Variants in WDFY4 observed in about 807,000 individuals in gnomAD.
WDFY4 encodes the protein WD repeat- and FYVE domain-containing protein 4.
In WDFY4, 169 loss-of-function variants were observed where a neutral mutation model predicts 351.9. The ratio of observed to expected loss-of-function variants is 0.48; its 90% CI spans 0.42 to 0.55. The LOEUF is 0.55. Among genes scored for constraint, WDFY4 ranks in the 20% least tolerant of loss-of-function variants. The probability of loss-of-function intolerance (pLI) is 0.00; values close to 1 mark genes in which losing one functional copy is unlikely to be tolerated. For missense variants in WDFY4, 3,803 were observed against 3,935.6 expected, an observed-to-expected ratio of 0.97 and a Z score of 0.90; for synonymous variants, 1,622 against 1,574.6, an observed-to-expected ratio of 1.03 and a Z score of -0.71.
chr10:48,736,179 G>A (rs1272580687), intron 11 of WDFY4, 109 bp downstream of exon 11: 3 of 1,284,578 alleles, frequency 2.3e-6, no homozygotes, highest in Non-Finnish European at 3.3e-6. Context: ...ACTGTATGTG[G>A]CAGGCAGTAC....
chr10:48,858,447 A>G (rs925910660), intron 39 of WDFY4, among the ~76,000 whole-genome samples: 14 of 152,232 alleles, frequency 9.2e-5, no homozygotes, highest in African/African-American at 3.1e-4. Flanking sequence ...AATTGCTCCA[A>G]CACCATTTGC....
chr10:48,841,577 AAG>A (rs1438637536), intron 39 of WDFY4, among the ~76,000 whole-genome samples: 1 of 152,232 alleles, frequency 6.6e-6, no homozygotes, highest in African/African-American at 2.4e-5. Flanking sequence ...CCATGCAGGA[AAG>A]AGAAACTGCA....
Position 48,725,900 on chromosome 10 carries a change from G to C in WDFY4, c.611G>C (p.Ser204Thr). 1 of 1,545,240 alleles carries C rather than the reference G, an allele frequency of 6.5e-7. No homozygotes were observed. Among genetic ancestry groups the C allele is most frequent in the Non-Finnish European group, 8.8e-7 (1 of 1,141,680 alleles). ...MFVQMLLNIC[S>T]DSQGLEGLLS... Reference sequence around the variant, plus strand: ...TTTCAGATGTTGCTCAATATTTGCAGTGACTCTCAGGGCCTGGAGGGACTC... The same window carrying C: ...TTTCAGATGTTGCTCAATATTTGCACTGACTCTCAGGGCCTGGAGGGACTC... The change falls in exon 6 of 62, where the codon AGT (serine) becomes ACT (threonine). Residue 204 changes from serine to threonine, a missense_variant. Physicochemically the swap from Ser to Thr is moderately conservative, Grantham distance 58. Coordinates refer to ENST00000325239, the MANE Select transcript of WDFY4 (RefSeq NM_001394531.1).
At chr10:48,871,546 G>A (rs2069783245) in intron 40 of WDFY4, among the ~76,000 whole-genome samples, 1 of 148,420 alleles carries the variant, frequency 6.7e-6, no homozygotes, top group Non-Finnish European at 1.5e-5. Context: ...GTAAATCATA[G>A]CCCACAGAAG....
rs375525766 is a variant in WDFY4, at chr10:48,788,575, G to T, written c.3854G>T (p.Arg1285Ile). 1.0e-4 allele frequency: 155 copies of T among 1,551,880 alleles called. No homozygotes were observed. The highest frequency in any genetic ancestry group is 1.1e-4 in the Non-Finnish European group (126 of 1,147,060). ...SEATPFVAEERVSFGLHIASS... is the reference protein window; with the variant it reads ...SEATPFVAEEIVSFGLHIASS... ...GCCACGCCCTTTGTTGCAGAAGAAA[G>T]AGTTTCTTTTGGACTTCACATAGCC... Residue 1285 changes from arginine to isoleucine, a missense_variant, in exon 21 of 62, where the codon AGA becomes ATA. Transcript: ENST00000325239.
intron 47 of WDFY4, among the ~76,000 whole-genome samples, chr10:48,918,771 T>G (rs904305728): frequency 1.3e-5 from 2 of 152,180 alleles, no homozygotes; most frequent in African/African-American, 4.8e-5. Context: ...GTGACAGGGC[T>G]TGGGGGAAGA....
rs1181083973 is a variant in WDFY4 at position 48,959,829 on chromosome 10, A to G, written c.8223+16A>G. 6 of 1,542,190 alleles carry G rather than the reference A, an allele frequency of 3.9e-6. No homozygotes were observed. The South Asian group carries it at 7.2e-5, about 19-fold the overall frequency. On this transcript the variant is annotated intron_variant, in intron 53 of 61. Transcript: ENST00000325239. ...GCACAGAAAGGTGAGTCAGGCCAGG[A>G]CCCCTGGTATCCTGCTGGGGACCTG...
intron 40 of WDFY4, 43 bp from the exon 41 acceptor site, chr10:48,873,448 A>G (rs2069863430): frequency 6.7e-7 from 1 of 1,496,036 alleles, no homozygotes; most frequent in Non-Finnish European, 8.9e-7. Flanking sequence ...CATAAGGCCC[A>G]TAAGGCAAAT....
chr10:48,715,770 C>T (rs542035197), intron 2 of WDFY4, among the ~76,000 whole-genome samples: 189 of 151,718 alleles, frequency 1.2e-3, no homozygotes, highest in Non-Finnish European at 2.0e-3. Context: ...GGACTACAGG[C>T]GCCGGCCACC....
intron 24 of WDFY4, among the ~76,000 whole-genome samples, chr10:48,801,659 T>A (rs2067093804): frequency 6.6e-6 from 1 of 152,276 alleles, no homozygotes; most frequent in Admixed American, 6.5e-5. Flanking sequence ...ACTCTTTTCC[T>A]GGCGGAAGAA....
chr10:48,960,508 G>T (rs1181289350), intron 53 of WDFY4, among the ~76,000 whole-genome samples: 1 of 152,104 alleles, frequency 6.6e-6, no homozygotes, highest in South Asian at 2.1e-4. Context: ...ACAAAAGCTT[G>T]GTAATTTTTT....
intron 48 of WDFY4, among the ~76,000 whole-genome samples, 192 bp downstream of exon 48, chr10:48,942,040 C>T (rs531892092): frequency 7.9e-5 from 12 of 152,308 alleles, no homozygotes; most frequent in Middle Eastern, 3.4e-3. Flanking sequence ...TCTCAGCTCA[C>T]GGCAACCTCT....
At position 48,796,262 on chromosome 10, in the gene WDFY4, A is replaced by G. The variant is rs1329382012; in HGVS notation, c.4258-36A>G. ...GTGAAGGGGAAATCTCTAATGATGC[A>G]TTCATGAGGAAACTGCTTTGTGTTA... On this transcript the variant is annotated intron_variant, in intron 23 of 61. Coordinates refer to ENST00000325239, the MANE Select transcript of WDFY4 (RefSeq NM_001394531.1). The G allele has an allele frequency of 8.5e-6, 13 of 1,536,758 alleles. No individual in the cohort carries two copies. The East Asian group carries it at 1.7e-4, about 20-fold the overall frequency.
In WDFY4 at chr10:48,916,908, T is replaced by C. The variant is rs553432861; in HGVS notation, c.7586+15045T>C. On this transcript the variant is annotated intron_variant, in intron 47 of 61. Transcript: ENST00000325239. Reference sequence around the variant, plus strand: ...GTGTGTGTGTGTGTGTGTGTGTGTGTGTACAACCATGTGCTGCATAATGAT... The same window carrying C: ...GTGTGTGTGTGTGTGTGTGTGTGTGCGTACAACCATGTGCTGCATAATGAT... Among the ~76,000 whole-genome samples, 40 of 142,344 alleles carry C rather than the reference T, an allele frequency of 2.8e-4. 1 individual carries two copies. The East Asian group carries it at 7.2e-3, about 26-fold the overall frequency. The allele number at this position is 142,344 out of a possible 152,430, so 93.4% of individuals were successfully genotyped here.
At chr10:48,685,771 T>C (rs2063027474) in intron 1 of WDFY4, among the ~76,000 whole-genome samples, 1 of 152,184 alleles carries the variant, frequency 6.6e-6, no homozygotes, top group Non-Finnish European at 1.5e-5. Flanking sequence ...TGGAGCACAC[T>C]AATTTTAATA....
intron 31 of WDFY4, among the ~76,000 whole-genome samples, chr10:48,816,154 C>T (rs1446576369): frequency 6.6e-6 from 1 of 152,112 alleles, no homozygotes; most frequent in Admixed American, 6.5e-5. Flanking sequence ...CACAAATGGT[C>T]TCCTTTAACT....
Position 48,900,227 on chromosome 10 carries a change from G to T in WDFY4, c.7444G>T (p.Ala2482Ser), listed in dbSNP as rs1564462546. ...RQARFLLQDIALEIFFHNGYS... is the reference protein window; with the variant it reads ...RQARFLLQDISLEIFFHNGYS... ...AAGGGGCTTCTCTTCACAGGACATC[G>T]CCCTGGAGATCTTCTTCCACAATGG... The change falls in exon 46 of 62, where the codon GCC becomes TCC. Residue 2482 changes from alanine (A) to serine (S), a missense_variant. Coordinates refer to ENST00000325239, the MANE Select transcript of WDFY4 (RefSeq NM_001394531.1). The T allele has an allele frequency of 1.9e-6, 3 of 1,551,490 alleles. No homozygotes were observed. The highest frequency in any genetic ancestry group is 2.4e-5 in the East Asian group (1 of 40,904).
At chr10:48,975,529 G>C (rs1012623131) in intron 58 of WDFY4, among the ~76,000 whole-genome samples, 3 of 152,174 alleles carry the variant, frequency 2.0e-5, no homozygotes, top group Non-Finnish European at 4.4e-5. Context: ...AGGATGCAGA[G>C]GTTTCTGCAT....
At chr10:48,736,183 G>A in intron 11 of WDFY4, 113 bp downstream of exon 11, 7 of 1,222,336 alleles carry the variant, frequency 5.7e-6, no homozygotes, top group Non-Finnish European at 8.2e-6. Context: ...TATGTGGCAG[G>A]CAGTACCCTG....
Sources: gnomAD v4.1 joint callset for allele counts (sites outside exome capture counted in the v4.1 genomes callset) on GRCh38, gnomAD v4.1.1 for gene constraint, MANE v1.5 for transcripts, NCBI Gene and HGNC (gene_info 2026-07-23, HGNC 2026-07-21) for gene names.